DNAJC3: variants seen among roughly 807,000 people sequenced by gnomAD.
DNAJC3 encodes the protein dnaJ homolog subfamily C member 3.
In DNAJC3, 38 loss-of-function variants were observed where a neutral mutation model predicts 68.6. That is an observed-to-expected ratio of 0.55 (90% CI 0.43 to 0.73). DNAJC3 has a LOEUF of 0.73. DNAJC3 is among the 30% of genes least tolerant of loss of function. The pLI, the probability that DNAJC3 is intolerant of heterozygous loss-of-function variation, is 0.00. For synonymous variants in DNAJC3, 203 were observed against 204.0 expected, an observed-to-expected ratio of 1.00 and a Z score of 0.04; for missense variants, 526 against 591.9, an observed-to-expected ratio of 0.89 and a Z score of 1.16.
chr13:95,791,116 CA>C lies in DNAJC3; in HGVS notation c.*89del. On this transcript the variant is annotated 3_prime_UTR_variant, in exon 12 of 12. Coordinates refer to ENST00000602402, the MANE Select transcript of DNAJC3 (RefSeq NM_006260.5). ...CCGGGACCCTAATGAAAAAAAATTT[CA>C]AATCTTTTCAGTTTGTCCATGACCA... is the stretch of plus-strand genomic sequence containing the variant. The C allele has an allele frequency of 3.4e-6, 5 of 1,482,916 alleles. No individual in the cohort carries two copies. Among genetic ancestry groups the C allele is most frequent in the Non-Finnish European group, 4.6e-6 (5 of 1,085,526 alleles). 91.9% of individuals were successfully genotyped at this position (1,482,916 alleles called of 1,614,324 possible). A position where few individuals can be genotyped will look rare whatever the true frequency, so the allele number is the denominator to read the frequency against.
intron 9 of DNAJC3, among the ~76,000 whole-genome samples, chr13:95,768,347 T>G (rs1167381767): frequency 1.3e-5 from 2 of 152,188 alleles, no homozygotes; most frequent in Admixed American, 6.5e-5. Flanking sequence ...TCAGGTTGTT[T>G]GGAACTTGCA....
intron 9 of DNAJC3, among the ~76,000 whole-genome samples, chr13:95,766,964 T>C (rs1883010898): frequency 6.6e-6 from 1 of 152,166 alleles, no homozygotes; most frequent in South Asian, 2.1e-4. Flanking sequence ...CCTCCCAAAG[T>C]GCTGGTATTA....
At chr13:95,738,171 C>T (rs1168372438) in intron 4 of DNAJC3, among the ~76,000 whole-genome samples, 3 of 147,576 alleles carry the variant, frequency 2.0e-5, no homozygotes, top group South Asian at 2.2e-4. Context: ...AGTTTGATTG[C>T]ACTGTGGTCT....
chr13:95,779,377 G>A (rs762372679), intron 9 of DNAJC3, among the ~76,000 whole-genome samples: 5 of 152,182 alleles, frequency 3.3e-5, no homozygotes, highest in South Asian at 2.1e-4. Flanking sequence ...GCCCACTGCG[G>A]CCTCCCAAAG....
chr13:95,761,069 G>T (rs1882806492), intron 7 of DNAJC3, among the ~76,000 whole-genome samples: 1 of 152,200 alleles, frequency 6.6e-6, no homozygotes, highest in Non-Finnish European at 1.5e-5. Context: ...TATGTACTGA[G>T]GGTGCAGACT....
chr13:95,696,237 A>G (rs770867508), intron 1 of DNAJC3, among the ~76,000 whole-genome samples: 2 of 152,304 alleles, frequency 1.3e-5, no homozygotes, highest in Non-Finnish European at 2.9e-5. Flanking sequence ...CCTCGCCAAC[A>G]TGGATATCCC....
intron 9 of DNAJC3, among the ~76,000 whole-genome samples, chr13:95,772,749 A>G (rs748865352): frequency 1.3e-5 from 2 of 152,214 alleles, no homozygotes; most frequent in Non-Finnish European, 2.9e-5. Flanking sequence ...ACTTATTTAT[A>G]TATTTATGTT....
intron 4 of DNAJC3, among the ~76,000 whole-genome samples, chr13:95,751,649 A>G (rs1167435095): frequency 6.6e-6 from 1 of 152,240 alleles, no homozygotes; most frequent in African/African-American, 2.4e-5. Context: ...AAGATGGCAC[A>G]AGAGTCTTTT....
At chr13:95,750,022 C>T (rs1224605223) in intron 4 of DNAJC3, among the ~76,000 whole-genome samples, 1 of 151,946 alleles carries the variant, frequency 6.6e-6, no homozygotes, top group Non-Finnish European at 1.5e-5. Flanking sequence ...TTAAAGATAG[C>T]ACTTTATGCT....
At chr13:95,786,167 C>A in intron 10 of DNAJC3, 96 bp downstream of exon 10, 1 of 1,294,088 alleles carries the variant, frequency 7.7e-7, no homozygotes, top group Non-Finnish European at 1.0e-6. Context: ...ATTTTCTTTA[C>A]TTATGTAATT....
chr13:95,704,615 G>T (rs938556112), intron 1 of DNAJC3, among the ~76,000 whole-genome samples: 1 of 152,150 alleles, frequency 6.6e-6, no homozygotes, highest in African/African-American at 2.4e-5. Flanking sequence ...ATGAATGGTG[G>T]AGTTGGCAGA....
chr13:95,744,310 A>G (rs931067050), intron 4 of DNAJC3, among the ~76,000 whole-genome samples: 3 of 152,226 alleles, frequency 2.0e-5, no homozygotes, highest in African/African-American at 7.2e-5. Context: ...GAAAGTACTC[A>G]CCTTGTACTT....
chr13:95,749,400 G>C lies in DNAJC3; in HGVS notation c.394-8244G>C, dbSNP rs145406430. The stretch of plus-strand genomic sequence containing the variant: ...GAGATTCAAATGTGTTTTCTTATCA[G>C]CTTGCTGAGATATGGGCCAAAGGGA... On this transcript the variant is annotated intron_variant, in intron 4 of 11. Transcript: ENST00000602402. Among the ~76,000 whole-genome samples the C allele has an allele frequency of 5.9e-5, 9 of 152,290 alleles. No individual in the cohort carries two copies. The East Asian group carries it at 1.5e-3, about 26-fold the overall frequency.
chr13:95,783,414 C>T (rs1304350361), intron 9 of DNAJC3, among the ~76,000 whole-genome samples: 1 of 152,146 alleles, frequency 6.6e-6, no homozygotes, highest in Non-Finnish European at 1.5e-5. Flanking sequence ...GCACAAGTAG[C>T]AAAATCATGT....
At chr13:95,784,180 A>T (rs1271413774) in intron 9 of DNAJC3, among the ~76,000 whole-genome samples, 3 of 152,250 alleles carry the variant, frequency 2.0e-5, no homozygotes, top group African/African-American at 7.2e-5. Flanking sequence ...TCATAAAAAC[A>T]AGAATTTTAT....
At chr13:95,726,764 G>T (rs1360037398) in intron 4 of DNAJC3, among the ~76,000 whole-genome samples, 2 of 152,148 alleles carry the variant, frequency 1.3e-5, no homozygotes, top group Non-Finnish European at 2.9e-5. Flanking sequence ...TCTAGAAAGG[G>T]TATATAAGCC....
At chr13:95,758,612 C>A (rs576329327) in intron 5 of DNAJC3, among the ~76,000 whole-genome samples, 1 of 98,632 alleles carries the variant, frequency 1.0e-5, no homozygotes, top group African/African-American at 6.0e-5. Context: ...AGTGAGACTC[C>A]GTCTCAAAAA....
rs1175087719 is a variant in DNAJC3 at position 95,792,957 on chromosome 13, T to TG, written c.*1929dup. On this transcript the variant is annotated 3_prime_UTR_variant, in exon 12 of 12. Coordinates refer to ENST00000602402, the MANE Select transcript of DNAJC3 (RefSeq NM_006260.5). ...ATATCAAATCACTTGCCTTTCCACT[T>TG]GGAGAGCACGACAGTTGCCAACAAC... 2 of 152,168 alleles carry TG rather than the reference T, an allele frequency of 1.3e-5. No individual in the cohort carries two copies. Among genetic ancestry groups the TG allele is most frequent in the Non-Finnish European group, 2.9e-5 (2 of 68,034 alleles). The allele number at this position is 152,168 out of a possible 1,614,324, so 9.4% of individuals were successfully genotyped here.
intron 4 of DNAJC3, among the ~76,000 whole-genome samples, chr13:95,725,576 C>T (rs949931456): frequency 6.6e-6 from 1 of 152,090 alleles, no homozygotes; most frequent in Admixed American, 6.6e-5. Context: ...ACTTTTAAAG[C>T]CCTTGTTAAT....
Sources: gnomAD v4.1 joint callset for allele counts (sites outside exome capture counted in the v4.1 genomes callset) on GRCh38, gnomAD v4.1.1 for gene constraint, MANE v1.5 for transcripts, NCBI Gene and HGNC (gene_info 2026-07-23, HGNC 2026-07-21) for gene names.